Variants in ABCB1 observed in about 807,000 individuals in gnomAD.
The protein encoded by ABCB1 is ATP binding cassette subfamily B member 1.
In ABCB1, 69 loss-of-function variants were observed where a neutral mutation model predicts 142.0. The observed-to-expected ratio is 0.49, with a 90% CI of 0.40 to 0.59. The LOEUF is 0.59. Among genes scored for constraint, ABCB1 ranks in the 20% least tolerant of loss-of-function variants. ABCB1 has a pLI of 0.00. For missense variants in ABCB1, 1,326 were observed against 1,554.7 expected (o/e 0.85, Z 2.47); for synonymous variants, 532 against 539.2 (o/e 0.99, Z 0.18).
At chr7:87,593,687 T>TA (rs1819084843) in intron 3 of ABCB1, among the ~76,000 whole-genome samples, 1 of 152,230 alleles carries the variant, frequency 6.6e-6, no homozygotes, top group East Asian at 1.9e-4. Context: ...GGTAGGTGCC[T>TA]ACATGATCAG....
intron 1 of ABCB1, among the ~76,000 whole-genome samples, chr7:87,617,032 A>T (rs1820054298): frequency 6.6e-6 from 1 of 152,168 alleles, no homozygotes; most frequent in South Asian, 2.1e-4. Flanking sequence ...GTGGGATACA[A>T]GTTGATTTGG....
At chr7:87,709,150 C>T (rs776090901) in intron 1 of ABCB1, 1 of 524,226 alleles carries the variant, frequency 1.9e-6, no homozygotes. Context: ...CATTCAAATA[C>T]AGGAAACTAA....
chr7:87,707,809 A>G (rs1829742816), intron 1 of ABCB1, among the ~76,000 whole-genome samples: 1 of 152,180 alleles, frequency 6.6e-6, no homozygotes. Context: ...ATTGCAGAGG[A>G]TTGAAATTGT....
intron 25 of ABCB1, among the ~76,000 whole-genome samples, 166 bp from the exon 26 acceptor site, chr7:87,509,647 T>C (rs925146322): frequency 6.6e-5 from 10 of 152,194 alleles, no homozygotes; most frequent in African/African-American, 1.7e-4. Context: ...AAGGTCATAA[T>C]TGTATGCCTT....
At chr7:87,658,210 G>A (rs1343086980) in intron 1 of ABCB1, among the ~76,000 whole-genome samples, 1 of 152,124 alleles carries the variant, frequency 6.6e-6, no homozygotes, top group Non-Finnish European at 1.5e-5. Flanking sequence ...AAGATACAAA[G>A]AAGACCAAAA....
At chr7:87,663,538 A>G (rs984397703) in intron 1 of ABCB1, among the ~76,000 whole-genome samples, 12 of 151,928 alleles carry the variant, frequency 7.9e-5, no homozygotes, top group African/African-American at 2.2e-4. Context: ...TTATTTTTCT[A>G]CTCCATCTTT....
chr7:87,635,961 G>A (rs1821723413), intron 1 of ABCB1, among the ~76,000 whole-genome samples: 1 of 152,182 alleles, frequency 6.6e-6, no homozygotes, highest in African/African-American at 2.4e-5. Context: ...TTATTCCATT[G>A]GATGAATATA....
chr7:87,579,588 GT>G lies in ABCB1; in HGVS notation c.286+5923del, dbSNP rs34986820. Among the ~76,000 whole-genome samples, 12 of 151,672 alleles carry G rather than the reference GT, an allele frequency of 7.9e-5. 1 individual carries two copies. In the South Asian group the frequency reaches 1.7e-3, roughly 21 times the overall value. ...TTGGTCTTAAATAATATTTTAATGT[GT>G]TTTTTTTAATCCATTCAGCCACTCT... is the stretch of plus-strand genomic sequence containing the variant. On this transcript the variant is annotated intron_variant, in intron 4 of 27. Coordinates refer to ENST00000622132, the MANE Select transcript of ABCB1 (RefSeq NM_001348946.2).
At chr7:87,563,834 A>G (rs58035453) in intron 7 of ABCB1, among the ~76,000 whole-genome samples, 453 of 152,208 alleles carry the variant, frequency 3.0e-3, no homozygotes, top group African/African-American at 0.01. Context: ...CTATGCAGCC[A>G]TAAAAAAAAT....
At chr7:87,574,662 G>A (rs1254003254) in intron 4 of ABCB1, among the ~76,000 whole-genome samples, 1 of 151,894 alleles carries the variant, frequency 6.6e-6, no homozygotes, top group Non-Finnish European at 1.5e-5. Flanking sequence ...TCTCTAACTG[G>A]AATGCCCTTT....
intron 26 of ABCB1, among the ~76,000 whole-genome samples, chr7:87,508,273 C>T (rs1401798545): frequency 6.6e-6 from 1 of 152,208 alleles, no homozygotes; most frequent in Non-Finnish European, 1.5e-5. Context: ...CACATGATCT[C>T]ATGTGACAGG....
At chr7:87,589,344 A>G (rs1396884550) in intron 3 of ABCB1, among the ~76,000 whole-genome samples, 1 of 152,258 alleles carries the variant, frequency 6.6e-6, no homozygotes, top group East Asian at 1.9e-4. Context: ...TATATGATAT[A>G]AGCAGATAAT....
intron 1 of ABCB1, among the ~76,000 whole-genome samples, chr7:87,684,604 T>C (rs910737988): frequency 4.6e-5 from 7 of 151,926 alleles, no homozygotes; most frequent in South Asian, 2.1e-4. Context: ...AAAAATTAGT[T>C]GGGCATGGTA....
chr7:87,702,270 T>C (rs1244452302), intron 1 of ABCB1, among the ~76,000 whole-genome samples: 2 of 151,252 alleles, frequency 1.3e-5, no homozygotes, highest in Non-Finnish European at 3.0e-5. Flanking sequence ...TATTGTTTTA[T>C]TTTATTTTAT....
At chr7:87,541,536 A>T in intron 17 of ABCB1, 72 bp from the exon 18 acceptor site, 2 of 1,069,240 alleles carry the variant, frequency 1.9e-6, no homozygotes, top group Non-Finnish European at 2.9e-6. Context: ...CCCATTTCCC[A>T]TCTGGCCCAG....
At chr7:87,531,247 A>C (rs1327301925) in intron 21 of ABCB1, 47 bp downstream of exon 21, 1 of 1,501,640 alleles carries the variant, frequency 6.7e-7, no homozygotes, top group South Asian at 1.1e-5. Context: ...CACTGATTAG[A>C]ATACTTTACT....
At chr7:87,654,724 G>A (rs1224843769) in intron 1 of ABCB1, among the ~76,000 whole-genome samples, 1 of 152,002 alleles carries the variant, frequency 6.6e-6, no homozygotes, top group Non-Finnish European at 1.5e-5. Flanking sequence ...AAATAAACAA[G>A]TGGAATTACA....
At chr7:87,525,650 G>T (rs781359054) in intron 21 of ABCB1, among the ~76,000 whole-genome samples, 3 of 152,182 alleles carry the variant, frequency 2.0e-5, no homozygotes, top group Non-Finnish European at 4.4e-5. Flanking sequence ...TTAAGCGGAA[G>T]TGGATCATTT....
Position 87,681,384 on chromosome 7 carries a change from A to G in ABCB1, c.-331+31777T>C, listed in dbSNP as rs956126291. On this transcript the variant is annotated intron_variant, in intron 1 of 28. Coordinates refer to the ABCB1 transcript ENST00000265724. ...AAATATTACAAGAAAAGGAAACTCTACTCATACTGAGGTATATTGCTTGTT... is the reference window on the plus strand; with the variant it reads ...AAATATTACAAGAAAAGGAAACTCTGCTCATACTGAGGTATATTGCTTGTT... Among the ~76,000 whole-genome samples, 4 of 150,572 alleles carry G rather than the reference A, an allele frequency of 2.7e-5. No individual in the cohort carries two copies. The South Asian group carries it at 8.4e-4, about 32-fold the overall frequency.
Sources: gnomAD v4.1 joint callset for allele counts (sites outside exome capture counted in the v4.1 genomes callset) on GRCh38, gnomAD v4.1.1 for gene constraint, MANE v1.5 for transcripts, NCBI Gene and HGNC (gene_info 2026-07-23, HGNC 2026-07-21) for gene names.